GRID2: variants seen among roughly 807,000 people sequenced by gnomAD.
GRID2 encodes the protein glutamate ionotropic receptor delta type subunit 2.
In GRID2, 33 loss-of-function variants were observed where a neutral mutation model predicts 114.8. That is an observed-to-expected ratio of 0.29 (90% CI 0.22 to 0.38). The LOEUF is 0.38. Ranked by LOEUF, GRID2 falls within the 10% of genes least tolerant of loss-of-function variation. The probability of loss-of-function intolerance (pLI) is 1.00; values close to 1 mark genes in which losing one functional copy is unlikely to be tolerated. For synonymous variants in GRID2, 505 were observed against 449.9 expected, an observed-to-expected ratio of 1.12 and a Z score of -1.55; for missense variants, 1,184 against 1,257.7, an observed-to-expected ratio of 0.94 and a Z score of 0.89.
chr4:93,431,145 G>T (rs1030492174), intron 10 of GRID2, among the ~76,000 whole-genome samples: 1 of 152,174 alleles, frequency 6.6e-6, no homozygotes, highest in African/African-American at 2.4e-5. Context: ...TACATAAAAG[G>T]GTGGTTGTGT....
chr4:92,988,572 G>A (rs998406363), intron 2 of GRID2, among the ~76,000 whole-genome samples: 2 of 152,044 alleles, frequency 1.3e-5, no homozygotes, highest in African/African-American at 4.8e-5. Flanking sequence ...CCATGAATCA[G>A]AGATCATTGG....
intron 8 of GRID2, among the ~76,000 whole-genome samples, chr4:93,310,520 A>T (rs982222242): frequency 2.6e-5 from 4 of 152,110 alleles, no homozygotes; most frequent in Admixed American, 2.6e-4. Flanking sequence ...GCAGAACGAG[A>T]CTCCATCTCA....
chr4:93,554,515 A>G (rs1734112084), intron 13 of GRID2, among the ~76,000 whole-genome samples: 1 of 152,198 alleles, frequency 6.6e-6, no homozygotes, highest in African/African-American at 2.4e-5. Context: ...CTGACACAAG[A>G]TATAATGTGT....
At chr4:92,346,605 T>C (rs1727774496) in intron 1 of GRID2, among the ~76,000 whole-genome samples, 1 of 152,176 alleles carries the variant, frequency 6.6e-6, no homozygotes, top group Non-Finnish European at 1.5e-5. Flanking sequence ...ACTCAAGTAA[T>C]CCACCTGCCT....
chr4:92,741,711 T>C (rs1454364551), intron 2 of GRID2, among the ~76,000 whole-genome samples: 1 of 152,206 alleles, frequency 6.6e-6, no homozygotes, highest in East Asian at 1.9e-4. Context: ...GTTCAAATGT[T>C]TTCAAACAAA....
At chr4:92,754,524 A>G (rs183624861) in intron 2 of GRID2, among the ~76,000 whole-genome samples, 20 of 152,280 alleles carry the variant, frequency 1.3e-4, no homozygotes, top group Non-Finnish European at 5.9e-5. Flanking sequence ...GTGAAATGGC[A>G]GTGATGATCA....
chr4:93,160,619 A>G (rs1327704133), intron 4 of GRID2, among the ~76,000 whole-genome samples: 4 of 151,764 alleles, frequency 2.6e-5, no homozygotes, highest in African/African-American at 7.3e-5. Context: ...TACTGGAGCA[A>G]TCTCCTTAGG....
intron 2 of GRID2, among the ~76,000 whole-genome samples, chr4:92,697,138 T>G (rs1560538221): frequency 6.6e-6 from 1 of 152,220 alleles, no homozygotes; most frequent in African/African-American, 2.4e-5. Context: ...CAGTTTATTT[T>G]CAGCTTTGTC....
intron 2 of GRID2, among the ~76,000 whole-genome samples, chr4:92,966,594 G>A (rs1578627164): frequency 1.3e-5 from 2 of 151,968 alleles, no homozygotes; most frequent in Non-Finnish European, 2.9e-5. Flanking sequence ...CTGTTCTCAT[G>A]GTGGTGAATA....
At chr4:92,629,964 A>G (rs971519204) in intron 2 of GRID2, among the ~76,000 whole-genome samples, 1 of 149,462 alleles carries the variant, frequency 6.7e-6, no homozygotes, top group Non-Finnish European at 1.5e-5. Context: ...CAACATTTAT[A>G]AAATTTAAAT....
At chr4:92,629,024 T>C (rs563403392) in intron 2 of GRID2, among the ~76,000 whole-genome samples, 44 of 152,078 alleles carry the variant, frequency 2.9e-4, no homozygotes, top group African/African-American at 9.6e-4. Flanking sequence ...ATCAGAAATA[T>C]CACTTGATGT....
At chr4:92,915,157 A>G (rs1208308265) in intron 2 of GRID2, among the ~76,000 whole-genome samples, 1 of 152,102 alleles carries the variant, frequency 6.6e-6, no homozygotes, top group Non-Finnish European at 1.5e-5. Context: ...TCTCATGAGA[A>G]CTTACTCAGA....
rs74982033 is a variant in GRID2, at chr4:92,564,623, A to G, written c.89-25508A>G. Among the ~76,000 whole-genome samples, 85 of 152,146 alleles carry G rather than the reference A, an allele frequency of 5.6e-4. No homozygotes were observed. In the East Asian group the frequency reaches 0.016, roughly 29 times the overall value. ...AATACAGTTTTGAAAATAAAGAAAT[A>G]TAAATTTAACATCTAAAAGAATCTC... On this transcript the variant is annotated intron_variant, in intron 1 of 15. Coordinates refer to ENST00000282020, the MANE Select transcript of GRID2 (RefSeq NM_001510.4).
At chr4:92,426,361 C>T (rs1387070491) in intron 1 of GRID2, among the ~76,000 whole-genome samples, 1 of 151,994 alleles carries the variant, frequency 6.6e-6, no homozygotes, top group Non-Finnish European at 1.5e-5. Flanking sequence ...AAATGGTATT[C>T]AGGGTAGAAA....
intron 11 of GRID2, among the ~76,000 whole-genome samples, chr4:93,477,274 C>A (rs1432582744): frequency 6.6e-6 from 1 of 152,054 alleles, no homozygotes; most frequent in Non-Finnish European, 1.5e-5. Context: ...GAGTGTTCTG[C>A]CTGTATAGCC....
chr4:93,048,194 G>A (rs1375332242), intron 2 of GRID2, among the ~76,000 whole-genome samples: 1 of 152,030 alleles, frequency 6.6e-6, no homozygotes, highest in African/African-American at 2.4e-5. Context: ...GCTCATGTCA[G>A]ATTTCAGCAT....
At chr4:92,415,088 A>G (rs944173778) in intron 1 of GRID2, among the ~76,000 whole-genome samples, 27 of 152,064 alleles carry the variant, frequency 1.8e-4, no homozygotes, top group African/African-American at 5.8e-4. Flanking sequence ...TAAGTATTTC[A>G]TAACTTCTTA....
At chr4:93,322,469 C>T (rs560165557) in intron 8 of GRID2, among the ~76,000 whole-genome samples, 1 of 152,150 alleles carries the variant, frequency 6.6e-6, no homozygotes, top group African/African-American at 2.4e-5. Flanking sequence ...GGATTGGTTC[C>T]AAGTCTTTGG....
At chr4:93,054,163 A>G (rs955397719) in intron 2 of GRID2, among the ~76,000 whole-genome samples, 2 of 151,934 alleles carry the variant, frequency 1.3e-5, no homozygotes, top group Admixed American at 6.6e-5. Flanking sequence ...CATTTTTTCA[A>G]AATTCCTCAT....
Sources: gnomAD v4.1 joint callset for allele counts (sites outside exome capture counted in the v4.1 genomes callset) on GRCh38, gnomAD v4.1.1 for gene constraint, MANE v1.5 for transcripts, NCBI Gene and HGNC (gene_info 2026-07-23, HGNC 2026-07-21) for gene names.